TBCD: variants seen among roughly 807,000 people sequenced by gnomAD.
The protein encoded by TBCD is tubulin folding cofactor D.
In TBCD, 105 loss-of-function variants were observed where a neutral mutation model predicts 169.3. That is an observed-to-expected ratio of 0.62 (90% confidence interval 0.53 to 0.73). TBCD has a LOEUF of 0.73. TBCD is among the 30% of genes least tolerant of loss of function. TBCD has a pLI of 0.00. For missense variants in TBCD, 1,444 were observed against 1,600.1 expected (o/e 0.90, Z 1.66); for synonymous variants, 700 against 643.9 (o/e 1.09, Z -1.32).
intron 14 of TBCD, among the ~76,000 whole-genome samples, chr17:82,876,257 T>C (rs1257790225): frequency 6.6e-6 from 1 of 152,162 alleles, no homozygotes; most frequent in Non-Finnish European, 1.5e-5. Flanking sequence ...AGACCATTTC[T>C]CTGTGTTGGG....
chr17:82,877,434 C>T (rs1412451703), intron 14 of TBCD, among the ~76,000 whole-genome samples: 1 of 152,078 alleles, frequency 6.6e-6, no homozygotes, highest in Non-Finnish European at 1.5e-5. Flanking sequence ...CAATCTCCGC[C>T]TCCTGGGTTC....
chr17:82,842,779 T>TC (rs2054628093), intron 13 of TBCD, among the ~76,000 whole-genome samples: 1 of 147,526 alleles, frequency 6.8e-6, no homozygotes, highest in Admixed American at 6.7e-5. Context: ...TTTCTTTCTT[T>TC]CTTTTTTTTT....
Position 82,909,275 on chromosome 17 carries a change from T to G in TBCD, c.1984-10T>G, listed in dbSNP as rs2060452186. 1 of 1,510,324 alleles carries G rather than the reference T, an allele frequency of 6.6e-7. No individual in the cohort carries two copies. 93.6% of individuals were successfully genotyped at this position (1,510,324 alleles called of 1,614,324 possible). On this transcript the variant is annotated splice_polypyrimidine_tract_variant and intron_variant, in intron 21 of 38. Coordinates refer to ENST00000355528, the MANE Select transcript of TBCD (RefSeq NM_005993.5). The stretch of plus-strand genomic sequence containing the variant: ...AAATCATTAAATAACTTTCAGTTTT[T>G]TATTTTCAGCTCTATGATCGTCAGT...
intron 34 of TBCD, among the ~76,000 whole-genome samples, chr17:82,935,304 C>G (rs958400957): frequency 6.6e-6 from 1 of 152,150 alleles, no homozygotes; most frequent in Non-Finnish European, 1.5e-5. Context: ...CATCGTTTTA[C>G]TTTCAGTATC....
intron 34 of TBCD, among the ~76,000 whole-genome samples, chr17:82,933,787 A>G (rs530873531): frequency 1.8e-4 from 27 of 151,786 alleles, no homozygotes; most frequent in East Asian, 9.8e-4. Flanking sequence ...GATTGTTTGT[A>G]TTGTTAGTAG....
rs1345862604 is a variant in TBCD, at chr17:82,928,971, A to C, written c.2694-142A>C. 4 of 1,074,296 alleles carry C rather than the reference A, an allele frequency of 3.7e-6. No individual in the cohort carries two copies. In the East Asian group the frequency reaches 1.0e-4, roughly 28 times the overall value. The allele number at this position is 1,074,296 out of a possible 1,614,324, so 66.5% of individuals were successfully genotyped here. ...GCCAGTGTCCTGGTGTCAGCTGCCA[A>C]CTCAGCCACCATGTCCCGAGGAGCC... On this transcript the variant is annotated intron_variant, in intron 30 of 38. Coordinates refer to ENST00000355528, the MANE Select transcript of TBCD (RefSeq NM_005993.5).
At chr17:82,876,249 A>G (rs2057963130) in intron 14 of TBCD, among the ~76,000 whole-genome samples, 1 of 152,176 alleles carries the variant, frequency 6.6e-6, no homozygotes, top group African/African-American at 2.4e-5. Context: ...TTTGACACAG[A>G]CCATTTCTCT....
intron 28 of TBCD, 111 bp from the exon 29 acceptor site, chr17:82,927,075 G>T: frequency 6.7e-7 from 1 of 1,492,472 alleles, no homozygotes; most frequent in East Asian, 2.3e-5. Flanking sequence ...GAGGGTCCTG[G>T]ACTGTTCTGA....
chr17:82,859,417 G>A (rs181383876), intron 13 of TBCD, among the ~76,000 whole-genome samples: 81 of 125,038 alleles, frequency 6.5e-4, no homozygotes, highest in Admixed American at 3.9e-3. Context: ...TGTCCTCCCC[G>A]CACTGGCTTT....
chr17:82,808,244 A>G (rs116340413), intron 11 of TBCD, among the ~76,000 whole-genome samples: 307 of 152,258 alleles, frequency 2.0e-3, no homozygotes, highest in African/African-American at 6.5e-3. Flanking sequence ...ATACACGTGA[A>G]GAAGATGCTG....
At chr17:82,849,463 T>A (rs1194220453) in intron 13 of TBCD, among the ~76,000 whole-genome samples, 3 of 152,248 alleles carry the variant, frequency 2.0e-5, no homozygotes, top group Non-Finnish European at 4.4e-5. Context: ...CCTTTTCATA[T>A]CTTCCTTGTT....
intron 1 of TBCD, among the ~76,000 whole-genome samples, chr17:82,755,567 G>C: frequency 6.6e-6 from 1 of 152,126 alleles, no homozygotes; most frequent in East Asian, 1.9e-4. Flanking sequence ...TGCTAATACT[G>C]ATCAGCTGTG....
Position 82,915,588 on chromosome 17 carries a change from G to T in TBCD, c.2038+3799G>T, listed in dbSNP as rs909189556. Among the ~76,000 whole-genome samples, 9 of 152,220 alleles carry T rather than the reference G, an allele frequency of 5.9e-5. No homozygotes were observed. The highest frequency in any genetic ancestry group is 1.3e-4 in the Non-Finnish European group (9 of 68,040). The stretch of plus-strand genomic sequence containing the variant: ...GCAGCGATGAAGGAGGGGTTTGTCA[G>T]TCAGGGTGGACTGCGTTTTGCTCTT... On this transcript the variant is annotated intron_variant, in intron 23 of 38. Coordinates refer to ENST00000355528, the MANE Select transcript of TBCD (RefSeq NM_005993.5). This position sits in a 1 kb window ranked among gnomAD's most constrained non-coding sequence, Gnocchi z 4.3.
chr17:82,828,738 C>T (rs1383885922), intron 13 of TBCD, among the ~76,000 whole-genome samples: 1 of 138,390 alleles, frequency 7.2e-6, no homozygotes, highest in East Asian at 2.2e-4. Flanking sequence ...TGAATGTGCA[C>T]ACACCCAGAG....
chr17:82,875,518 GC>G (rs1252011613), intron 14 of TBCD, among the ~76,000 whole-genome samples: 7 of 152,292 alleles, frequency 4.6e-5, no homozygotes, highest in Admixed American at 3.9e-4. Flanking sequence ...CATCAGCTCC[GC>G]CCAGGCAGCC....
chr17:82,903,409 A>G lies in TBCD; in HGVS notation c.1735A>G (p.Ile579Val). ...TMKISHWDGV[I>V]RELAARALHN... Reference sequence around the variant, plus strand: ...ACATTCTCTCCTCACTCTCAGGGTCATCCGAGAGTTGGCTGCGAGGGCGCT... The same window carrying G: ...ACATTCTCTCCTCACTCTCAGGGTCGTCCGAGAGTTGGCTGCGAGGGCGCT... The change falls in exon 19 of 39, where the codon ATC becomes GTC. Residue 579 changes from isoleucine (I) to valine (V), a missense_variant. Coordinates refer to ENST00000355528, the MANE Select transcript of TBCD (RefSeq NM_005993.5). This position sits in a 1 kb window ranked among gnomAD's most constrained non-coding sequence, Gnocchi z 4.8. The G allele has an allele frequency of 6.2e-7, 1 of 1,601,958 alleles. No individual in the cohort carries two copies. The highest frequency in any genetic ancestry group is 8.5e-7 in the Non-Finnish European group (1 of 1,174,272).
intron 13 of TBCD, among the ~76,000 whole-genome samples, chr17:82,819,982 T>TC (rs929899978): frequency 3.4e-4 from 52 of 151,900 alleles, no homozygotes; most frequent in African/African-American, 1.2e-3. Context: ...ACCTTTTTTT[T>TC]TTTTTTCTTT....
chr17:82,849,925 G>C (rs2055514951), intron 13 of TBCD, among the ~76,000 whole-genome samples: 1 of 150,666 alleles, frequency 6.6e-6, no homozygotes, highest in Non-Finnish European at 1.5e-5. Flanking sequence ...GTTGTTGGCT[G>C]TTTTGCTGTT....
chr17:82,764,348 T>C (rs1158097684), intron 3 of TBCD, among the ~76,000 whole-genome samples: 1 of 152,082 alleles, frequency 6.6e-6, no homozygotes, highest in Non-Finnish European at 1.5e-5. Flanking sequence ...AAAAACTTCT[T>C]ACAAGGAGAA....
Sources: gnomAD v4.1 joint callset for allele counts (sites outside exome capture counted in the v4.1 genomes callset) on GRCh38, gnomAD v4.1.1 for gene constraint, Gnocchi (gnomAD v3.1) non-coding constraint, MANE v1.5 for transcripts, NCBI Gene and HGNC (gene_info 2026-07-23, HGNC 2026-07-21) for gene names.